Variants in CHMP7 observed in about 807,000 individuals in gnomAD.
The protein encoded by CHMP7 is CHMP family, member 7.
A neutral mutation model predicts 53.7 loss-of-function variants in CHMP7; 15 were observed. The ratio of observed to expected loss-of-function variants is 0.28; its 90% CI spans 0.19 to 0.43. The LOEUF (loss-of-function observed/expected upper bound fraction) is 0.43, where lower values mean the gene tolerates loss of function less well. Ranked by LOEUF, CHMP7 falls within the 20% of genes least tolerant of loss-of-function variation. CHMP7 has a pLI of 1.00. For synonymous variants in CHMP7, 261 were observed against 228.0 expected (o/e 1.14, Z -1.30); for missense variants, 527 against 569.4 (o/e 0.93, Z 0.76).
At chr8:23,252,801 C>T (rs1336227437) in intron 3 of CHMP7, among the ~76,000 whole-genome samples, 1 of 152,152 alleles carries the variant, frequency 6.6e-6, no homozygotes, top group Non-Finnish European at 1.5e-5. Flanking sequence ...GTGGGGAAAG[C>T]TCTATTTTCT....
chr8:23,257,875 G>A (rs796791683), intron 5 of CHMP7, among the ~76,000 whole-genome samples, 158 bp from the exon 6 acceptor site: 9 of 152,344 alleles, frequency 5.9e-5, no homozygotes, highest in African/African-American at 2.2e-4. Flanking sequence ...CTTGCCACAA[G>A]AGTTTTTGCC....
chr8:23,256,737 A>G, intron 5 of CHMP7, 144 bp downstream of exon 5: 1 of 488,652 alleles, frequency 2.0e-6, no homozygotes, highest in Non-Finnish European at 3.5e-6. Context: ...TGCTCAATGC[A>G]GAAATCATGG....
rs867518147 is a variant in CHMP7 at position 23,255,263 on chromosome 8, T to C, written c.488T>C (p.Val163Ala). The C allele has an allele frequency of 1.9e-6, 3 of 1,613,842 alleles. No individual in the cohort carries two copies. In the African/African-American group the frequency reaches 4.0e-5, roughly 22 times the overall value. ...TTCCCACAGGAAAAGGCTGAGGAGG[T>C]GTATCGTCTGTATCAGAACTCGCCC... ...VELLKEKAEE[V>A]YRLYQNSPLS... The change falls in exon 4 of 11, where the codon GTG becomes GCG. Residue 163 changes from valine to alanine, a missense_variant. Transcript: ENST00000397677.
rs373288680 is a variant in CHMP7 at position 23,252,195 on chromosome 8, C to CTTTTTT, written c.471+2823_471+2828dup. ...CCTTTCCTGTTTTGTATTGTGTTAT[C>CTTTTTT]TTTTTTTTTTTTTTGAGATGGAGTT... is the stretch of plus-strand genomic sequence containing the variant. On this transcript the variant is annotated intron_variant, in intron 3 of 10. Coordinates refer to ENST00000397677, the MANE Select transcript of CHMP7 (RefSeq NM_152272.5). Among the ~76,000 whole-genome samples the CTTTTTT allele has an allele frequency of 5.7e-5, 6 of 105,310 alleles. 1 individual carries two copies. In the South Asian group the frequency reaches 1.8e-3, roughly 31 times the overall value. 69.1% of individuals were successfully genotyped at this position (105,310 alleles called of 152,430 possible).
chr8:23,260,212 G>A lies in CHMP7; in HGVS notation c.1189G>A (p.Asp397Asn). The A allele has an allele frequency of 6.2e-7, 1 of 1,614,114 alleles. No individual in the cohort carries two copies. The highest frequency in any genetic ancestry group is 8.5e-7 in the Non-Finnish European group (1 of 1,179,974). ...LLQDTTKEPL[D>N]LPDNPRNRHF... ...TCAGGATACCACCAAAGAACCTTTG[G>A]ATCTGCCTGACAACCCCCGCAATAG... Residue 397 changes from aspartate to asparagine, a missense_variant, in exon 10 of 11, where the codon GAT becomes AAT. Transcript: ENST00000397677.
At chr8:23,243,918 T>G (rs1436906522) in intron 1 of CHMP7, 74 bp downstream of exon 1, 1 of 152,248 alleles carries the variant, frequency 6.6e-6, no homozygotes, top group East Asian at 1.9e-4. Flanking sequence ...TATTATCATA[T>G]ACTTATTTGC....
rs369229057 is a variant in CHMP7 at position 23,258,726 on chromosome 8, C to G, written c.961-6C>G. On this transcript the variant is annotated splice_region_variant and splice_polypyrimidine_tract_variant and intron_variant, in intron 7 of 10. Transcript: ENST00000397677. ...ATTTGCACTGATAGCTTTGCTTTGT[C>G]TTTAGGTTTTTAACGCCTACCAGGC... 7 of 1,599,616 alleles carry G rather than the reference C, an allele frequency of 4.4e-6. No individual in the cohort carries two copies. The highest frequency in any genetic ancestry group is 6.0e-6 in the Non-Finnish European group (7 of 1,167,336).
intron 2 of CHMP7, among the ~76,000 whole-genome samples, chr8:23,247,300 G>A (rs1801739385): frequency 6.6e-6 from 1 of 152,206 alleles, no homozygotes; most frequent in Non-Finnish European, 1.5e-5. Flanking sequence ...ACCCCGTTAT[G>A]TTGTTGTTTC....
At chr8:23,256,096 G>A (rs1802114802) in intron 4 of CHMP7, among the ~76,000 whole-genome samples, 2 of 152,288 alleles carry the variant, frequency 1.3e-5, no homozygotes, top group South Asian at 4.1e-4. Context: ...CACAAGAGCA[G>A]TGGTGCTGGC....
intron 5 of CHMP7, 26 bp downstream of exon 5, chr8:23,256,619 T>G (rs1280797076): frequency 2.7e-5 from 44 of 1,603,738 alleles, no homozygotes; most frequent in Non-Finnish European, 3.8e-5. Flanking sequence ...GAACTGAGCC[T>G]CCTCCCCACT....
chr8:23,246,624 C>T lies in CHMP7; in HGVS notation c.-72C>T, dbSNP rs1801695160. Reference sequence around the variant, plus strand: ...AAGGAGGTGGTCAAGGAACGGAAGCCGGGAGGGAACGAGGGCGGAAGCGGA... The same window carrying T: ...AAGGAGGTGGTCAAGGAACGGAAGCTGGGAGGGAACGAGGGCGGAAGCGGA... On this transcript the variant is annotated 5_prime_UTR_variant, in exon 2 of 11. Coordinates refer to ENST00000397677, the MANE Select transcript of CHMP7 (RefSeq NM_152272.5). 2.3e-6 allele frequency: 3 copies of T among 1,323,624 alleles called. No homozygotes were observed. The highest frequency in any genetic ancestry group is 1.5e-5 in the African/African-American group (1 of 68,538). The allele number at this position is 1,323,624 out of a possible 1,614,324, so 82.0% of individuals were successfully genotyped here. A position where few individuals can be genotyped will look rare whatever the true frequency, so the allele number is the denominator to read the frequency against.
intron 3 of CHMP7, among the ~76,000 whole-genome samples, chr8:23,253,892 A>G (rs532907574): frequency 6.6e-6 from 1 of 152,056 alleles, no homozygotes; most frequent in Non-Finnish European, 1.5e-5. Flanking sequence ...TCTACAATCC[A>G]TCGTCTCCCA....
At position 23,246,942 on chromosome 8, in the gene CHMP7, C is replaced by A. The variant is rs1801721241; in HGVS notation, c.247C>A (p.Arg83Ser). 2 of 1,556,248 alleles carry A rather than the reference C, an allele frequency of 1.3e-6. No homozygotes were observed. Among genetic ancestry groups the A allele is most frequent in the Admixed American group, 3.9e-5 (2 of 51,674 alleles). Residue 83 changes from arginine to serine, a missense_variant, in exon 2 of 11, where the codon CGC (arginine) becomes AGC (serine). Transcript: ENST00000397677. ...RLRDLQEAFQ[R>S]KGSVPLGLAT... Reference sequence around the variant, plus strand: ...GCGGGACTTGCAGGAGGCCTTTCAGCGCAAGGGGAGCGTCCCGCTGGGGCT... The same window carrying A: ...GCGGGACTTGCAGGAGGCCTTTCAGAGCAAGGGGAGCGTCCCGCTGGGGCT...
chr8:23,256,676 TAA>T, intron 5 of CHMP7, 83 bp downstream of exon 5: 2 of 1,053,284 alleles, frequency 1.9e-6, no homozygotes, highest in Admixed American at 2.8e-5. Context: ...TGTGGGCTTT[TAA>T]AAAATAGGTG....
rs1802389368 is a variant in CHMP7 at position 23,261,500 on chromosome 8, G to A, written c.*901G>A. 1 of 152,716 alleles carries A rather than the reference G, an allele frequency of 6.5e-6. No homozygotes were observed. 9.5% of individuals were successfully genotyped at this position (152,716 alleles called of 1,614,324 possible). A position where few individuals can be genotyped will look rare whatever the true frequency, so the allele number is the denominator to read the frequency against. On this transcript the variant is annotated 3_prime_UTR_variant, in exon 11 of 11. Transcript: ENST00000397677. Reference sequence around the variant, plus strand: ...CTCCTTGAGCCTGGCACACAGCACCGGGCTCTCTGAATTTGGAAAGTGTTT... The same window carrying A: ...CTCCTTGAGCCTGGCACACAGCACCAGGCTCTCTGAATTTGGAAAGTGTTT...
intron 8 of CHMP7, 98 bp from the exon 9 acceptor site, chr8:23,258,968 G>A: frequency 9.5e-7 from 1 of 1,052,524 alleles, no homozygotes. Context: ...TTCTCACTTG[G>A]GGCAGGATTG....
chr8:23,246,739 A>G lies in CHMP7; in HGVS notation c.44A>G (p.Asp15Gly), dbSNP rs774133883. 3.2e-6 allele frequency: 5 copies of G among 1,551,220 alleles called. No individual in the cohort carries two copies. Among genetic ancestry groups the G allele is most frequent in the South Asian group, 1.2e-5 (1 of 84,198 alleles). The change falls in exon 2 of 11, where the codon GAC (aspartate) becomes GGC (glycine). Residue 15 changes from aspartate to glycine, a missense_variant. Asp to Gly is a moderately conservative substitution (Grantham distance 94). Transcript: ENST00000397677. ...GAGGCCGAGGCCCCAGCCGGGGGAG[A>G]CCCGGCGGGCCTTCTGCCCCCCGAG... is the stretch of plus-strand genomic sequence containing the variant. Reference protein sequence around the residue: ...EREAEAPAGGDPAGLLPPEWE... With the variant: ...EREAEAPAGGGPAGLLPPEWE...
chr8:23,259,601 G>A lies in CHMP7; in HGVS notation c.1120+475G>A, dbSNP rs554725399. The stretch of plus-strand genomic sequence containing the variant: ...TCTGGAACTCCTGACCTCGTGATCC[G>A]CCGGCCTCGGCCTCCCAAAGTGCTG... On this transcript the variant is annotated intron_variant, in intron 9 of 10. Transcript: ENST00000397677. Among the ~76,000 whole-genome samples, 81 of 152,070 alleles carry A rather than the reference G, an allele frequency of 5.3e-4. 1 individual carries two copies. The Middle Eastern group carries it at 0.017, about 32-fold the overall frequency.
chr8:23,260,643 T>C lies in CHMP7; in HGVS notation c.*44T>C. ...CCTCATGTAAAAGAGAGACCAGGCT[T>C]GCTGGGTGTGTACATAGTTATTTAA... is the stretch of plus-strand genomic sequence containing the variant. On this transcript the variant is annotated 3_prime_UTR_variant, in exon 11 of 11. Coordinates refer to ENST00000397677, the MANE Select transcript of CHMP7 (RefSeq NM_152272.5). 1.4e-6 allele frequency: 2 copies of C among 1,390,784 alleles called. No individual in the cohort carries two copies. Among genetic ancestry groups the C allele is most frequent in the East Asian group, 2.3e-5 (1 of 44,154 alleles). The allele number at this position is 1,390,784 out of a possible 1,614,324, so 86.2% of individuals were successfully genotyped here.
Sources: gnomAD v4.1 joint callset for allele counts (sites outside exome capture counted in the v4.1 genomes callset) on GRCh38, gnomAD v4.1.1 for gene constraint, MANE v1.5 for transcripts, NCBI Gene and HGNC (gene_info 2026-07-23, HGNC 2026-07-21) for gene names.